The following CACNA1C variants were observed in gnomAD, a reference collection of about 807,000 sequenced individuals.
CACNA1C encodes the protein voltage-dependent L-type calcium channel subunit alpha-1C.
A neutral mutation model predicts 229.0 loss-of-function variants in CACNA1C; 30 were observed. The observed-to-expected ratio is 0.13, with a 90% CI of 0.10 to 0.18. The LOEUF (loss-of-function observed/expected upper bound fraction) is 0.18. Among genes scored for constraint, CACNA1C ranks in the 10% least tolerant of loss-of-function variants. CACNA1C has a pLI of 1.00. For missense variants in CACNA1C, 1,658 were observed against 2,845.0 expected (o/e 0.58, Z 9.49); for synonymous variants, 1,114 against 1,132.5 (o/e 0.98, Z 0.33).
intron 18 of CACNA1C, among the ~76,000 whole-genome samples, chr12:2,586,875 G>A (rs1296165975): frequency 2.0e-5 from 3 of 152,196 alleles, no homozygotes; most frequent in East Asian, 1.9e-4. Context: ...AGAAAGAACA[G>A]GAAGGGCGTT....
intron 5 of CACNA1C, among the ~76,000 whole-genome samples, chr12:2,468,103 G>A (rs1247515260): frequency 1.3e-5 from 2 of 152,226 alleles, no homozygotes; most frequent in African/African-American, 4.8e-5. Flanking sequence ...CACACTCACA[G>A]GTTCCCGCCT....
chr12:2,104,543 G>C (rs1251177963), intron 1 of CACNA1C, among the ~76,000 whole-genome samples: 2 of 152,150 alleles, frequency 1.3e-5, no homozygotes, highest in Admixed American at 1.3e-4. Flanking sequence ...TCCTCTGTTT[G>C]TATTTGAATA....
At chr12:1,997,256 C>T (rs540036105) in intron 1 of CACNA1C, among the ~76,000 whole-genome samples, 1 of 152,278 alleles carries the variant, frequency 6.6e-6, no homozygotes, top group African/African-American at 2.4e-5. Flanking sequence ...CAGCCAGGTG[C>T]GGTGGCTCAC....
At chr12:2,074,728 G>T (rs931089656) in intron 1 of CACNA1C, among the ~76,000 whole-genome samples, 1 of 152,080 alleles carries the variant, frequency 6.6e-6, no homozygotes, top group Non-Finnish European at 1.5e-5. Flanking sequence ...AATACTTTAG[G>T]GTTTATAGGG....
In CACNA1C at chr12:2,004,576, T is replaced by G. The variant is rs1023992088; in HGVS notation, c.139+33375T>G. On this transcript the variant is annotated intron_variant, in intron 1 of 46. Coordinates refer to the CACNA1C transcript ENST00000682462. ...CCGGCTCCAGTCACCCCCACCCTCC[T>G]GCCCGCCGACAGACGCAAGGCCTCA... 1.4e-5 allele frequency: 17 copies of G among 1,213,956 alleles called. No individual in the cohort carries two copies. In the Admixed American group the frequency reaches 3.9e-4, roughly 28 times the overall value. The allele number at this position is 1,213,956 out of a possible 1,614,324, so 75.2% of individuals were successfully genotyped here. A position where few individuals can be genotyped will look rare whatever the true frequency, so the allele number is the denominator to read the frequency against.
At chr12:2,057,425 G>C (rs1424808300) in intron 1 of CACNA1C, among the ~76,000 whole-genome samples, 1 of 152,220 alleles carries the variant, frequency 6.6e-6, no homozygotes, top group African/African-American at 2.4e-5. Context: ...CAGGAAAGGG[G>C]CTTCAGGGTC....
intron 11 of CACNA1C, among the ~76,000 whole-genome samples, chr12:2,563,936 G>A (rs1041100923): frequency 6.6e-6 from 1 of 152,226 alleles, no homozygotes; most frequent in Non-Finnish European, 1.5e-5. Flanking sequence ...AGACCAGTGA[G>A]TTCACACAGA....
chr12:2,413,145 G>C (rs1459764151), intron 3 of CACNA1C, among the ~76,000 whole-genome samples: 1 of 152,138 alleles, frequency 6.6e-6, no homozygotes, highest in South Asian at 2.1e-4. Flanking sequence ...AACTTCCCAC[G>C]TACCTGGGAC....
At position 2,177,632 on chromosome 12, in the gene CACNA1C, C is replaced by CCT. The variant is rs1381602593; in HGVS notation, c.477+57202_477+57203insCT. On this transcript the variant is annotated intron_variant, in intron 3 of 46. Coordinates refer to ENST00000399655, the MANE Select transcript of CACNA1C (RefSeq NM_000719.7). ...TCCTTCCTTCCTTCCTTCCTTCTCT[C>CCT]TCTCTTTCTTTCTTTCTTTCTTTTT... Among the ~76,000 whole-genome samples, 601 of 118,308 alleles carry CCT rather than the reference C, an allele frequency of 5.1e-3. 5 individuals are homozygous for CCT. The highest frequency in any genetic ancestry group is 0.023 in the South Asian group (72 of 3,106). The allele number at this position is 118,308 out of a possible 152,430, so 77.6% of individuals were successfully genotyped here.
At chr12:2,198,980 C>G (rs1237567138) in intron 3 of CACNA1C, among the ~76,000 whole-genome samples, 1 of 152,108 alleles carries the variant, frequency 6.6e-6, no homozygotes, top group African/African-American at 2.4e-5. Flanking sequence ...TGCATAAAGT[C>G]CTGTTGCCTG....
chr12:2,682,714 G>A (rs773133922), intron 43 of CACNA1C, 36 bp downstream of exon 43: 1 of 1,594,734 alleles, frequency 6.3e-7, no homozygotes, highest in South Asian at 1.1e-5. Context: ...GCTGACCCAA[G>A]TGTGGGAACA....
chr12:2,185,991 G>T (rs1031634865), intron 3 of CACNA1C, among the ~76,000 whole-genome samples: 1 of 152,278 alleles, frequency 6.6e-6, no homozygotes, highest in East Asian at 1.9e-4. Flanking sequence ...GCCAGGGCAC[G>T]GATCGTTTCC....
In CACNA1C at chr12:2,139,847, C is replaced by T. The variant is rs2154190335; in HGVS notation, c.477+19417C>T. On this transcript the variant is annotated intron_variant, in intron 3 of 46. Coordinates refer to ENST00000399655, the MANE Select transcript of CACNA1C (RefSeq NM_000719.7). ...GAGGTGTAAGGGGTGAGGCCGCTCC[C>T]AGGACACAGCGGGCCTCATGCGACA... 2.0e-5 allele frequency among the ~76,000 whole-genome samples: 3 copies of T among 151,384 alleles called. 1 individual carries two copies. The Admixed American group carries it at 2.0e-4, about 10-fold the overall frequency.
chr12:2,379,598 ATT>A (rs2098175634), intron 3 of CACNA1C, among the ~76,000 whole-genome samples: 1 of 152,016 alleles, frequency 6.6e-6, no homozygotes, highest in South Asian at 2.1e-4. Context: ...TCCATCTCTC[ATT>A]TTACTGGTGA....
intron 21 of CACNA1C, among the ~76,000 whole-genome samples, chr12:2,598,226 C>T (rs1409356525): frequency 1.3e-5 from 2 of 152,146 alleles, no homozygotes; most frequent in Non-Finnish European, 2.9e-5. Context: ...CCGCAAGGAA[C>T]CTGAGCACCC....
intron 3 of CACNA1C, among the ~76,000 whole-genome samples, chr12:2,302,557 T>C (rs146858508): frequency 6.6e-6 from 1 of 151,528 alleles, no homozygotes; most frequent in Non-Finnish European, 1.5e-5. Context: ...GGGAGGGGAG[T>C]GTCCTCCGGG....
intron 3 of CACNA1C, among the ~76,000 whole-genome samples, chr12:2,329,517 G>T (rs2096467651): frequency 6.6e-6 from 1 of 152,156 alleles, no homozygotes; most frequent in Admixed American, 6.6e-5. Context: ...TGTGCCTCTT[G>T]TCAAGCAAGT....
Position 2,595,874 on chromosome 12 carries a change from G to A in CACNA1C, c.2664G>A (p.Arg888=), listed in dbSNP as rs754046062. 9.3e-6 allele frequency: 15 copies of A among 1,613,146 alleles called. No homozygotes were observed. The Admixed American group carries it at 1.5e-4, about 16-fold the overall frequency. The change falls in exon 20 of 47, where the codon AGG becomes AGA. Residue 888 remains arginine, a splice_region_variant and synonymous_variant. Transcript: ENST00000399655. The surrounding 1 kb of genome is among the most constrained non-coding windows in gnomAD (Gnocchi z 4.1). ...TCCTCCTGTCCCCTCTCCCGTACAG[G>A]TTTCGCCTCCAGTGCCACCGCATTG... ...SAFFIFSSNN[R]FRLQCHRIVN...
intron 45 of CACNA1C, among the ~76,000 whole-genome samples, chr12:2,686,583 G>A (rs536432197): frequency 6.2e-4 from 95 of 152,340 alleles, no homozygotes; most frequent in Admixed American, 1.2e-3. Flanking sequence ...TGCCACTGAC[G>A]CCTCTGACAC....
Sources: gnomAD v4.1 joint callset for allele counts (sites outside exome capture counted in the v4.1 genomes callset) on GRCh38, gnomAD v4.1.1 for gene constraint, Gnocchi (gnomAD v3.1) non-coding constraint, MANE v1.5 for transcripts, NCBI Gene and HGNC (gene_info 2026-07-23, HGNC 2026-07-21) for gene names.